The following FAM227B variants were observed in gnomAD, a reference collection of about 807,000 sequenced individuals.
FAM227B encodes family with sequence similarity 227 member B.
A neutral mutation model predicts 73.8 loss-of-function variants in FAM227B; 88 were observed. The observed-to-expected ratio is 1.19, with a 90% confidence interval of 1.00 to 1.42. The LOEUF (loss-of-function observed/expected upper bound fraction) is 1.42, where lower values mean the gene tolerates loss of function less well. FAM227B is among the 40% of genes most tolerant of loss of function. The pLI, the probability that FAM227B is intolerant of heterozygous loss-of-function variation, is 0.00. For synonymous variants in FAM227B, 210 were observed against 190.5 expected (o/e 1.10, Z -0.84); for missense variants, 632 against 590.9 (o/e 1.07, Z -0.72).
chr15:49,407,672 T>C lies in FAM227B; in HGVS notation c.1013-36273A>G, dbSNP rs149912168. ...ATATTATTATTATATTAATTATATA[T>C]AGTACTAATATATATATAATATGTA... On this transcript the variant is annotated intron_variant, in intron 11 of 15. Transcript: ENST00000299338. Among the ~76,000 whole-genome samples, 1,029 of 148,264 alleles carry C rather than the reference T, an allele frequency of 6.9e-3. 18 individuals are homozygous for C. Among genetic ancestry groups the C allele is most frequent in the African/African-American group, 0.024 (983 of 40,870 alleles).
chr15:49,369,955 T>A (rs1378015930), intron 12 of FAM227B, among the ~76,000 whole-genome samples: 2 of 152,186 alleles, frequency 1.3e-5, no homozygotes, highest in African/African-American at 4.8e-5. Flanking sequence ...GATGAGGTTG[T>A]CAATGATGGA....
At chr15:49,485,232 T>C (rs1380731212) in intron 11 of FAM227B, 1 of 152,228 alleles carries the variant, frequency 6.6e-6, no homozygotes, top group African/African-American at 2.4e-5. Context: ...ATGATAATAC[T>C]GTACTTCATC....
At chr15:49,560,659 A>C (rs140441152) in intron 9 of FAM227B, among the ~76,000 whole-genome samples, 81 of 152,332 alleles carry the variant, frequency 5.3e-4, no homozygotes, top group African/African-American at 1.7e-3. Flanking sequence ...AGGGAATCTC[A>C]TCAGGCTTAC....
chr15:49,616,545 A>C (rs933698195), intron 1 of FAM227B, among the ~76,000 whole-genome samples: 4 of 152,276 alleles, frequency 2.6e-5, no homozygotes, highest in African/African-American at 9.6e-5. Context: ...CATGGTGAGA[A>C]GGCAGTGGTC....
intron 11 of FAM227B, among the ~76,000 whole-genome samples, chr15:49,465,415 C>T (rs889137976): frequency 1.3e-4 from 19 of 151,816 alleles, no homozygotes; most frequent in African/African-American, 3.6e-4. Flanking sequence ...GGATTACAGG[C>T]GTGAGCCACC....
rs1490311860 is a variant in FAM227B, at chr15:49,327,221, A to G, written c.*1347T>C. ...AGTTGTTGTCATCCCAATCAGATAT[A>G]TCTCATCTGATGTCAACTTCTGAGT... On this transcript the variant is annotated 3_prime_UTR_variant, in exon 16 of 16. Transcript: ENST00000299338. 2 of 152,222 alleles carry G rather than the reference A, an allele frequency of 1.3e-5. No individual in the cohort carries two copies. The highest frequency in any genetic ancestry group is 3.9e-4 in the East Asian group (2 of 5,194). 9.4% of individuals were successfully genotyped at this position (152,222 alleles called of 1,614,324 possible). A position where few individuals can be genotyped will look rare whatever the true frequency, so the allele number is the denominator to read the frequency against.
intron 10 of FAM227B, among the ~76,000 whole-genome samples, chr15:49,532,552 G>A (rs1230112802): frequency 3.3e-5 from 5 of 150,972 alleles, no homozygotes; most frequent in African/African-American, 1.2e-4. Context: ...AGACAAAATA[G>A]TCTAGAGAAA....
intron 11 of FAM227B, among the ~76,000 whole-genome samples, chr15:49,406,229 CCAGCAGCAG>C (rs200026980): frequency 4.6e-5 from 7 of 151,984 alleles, no homozygotes; most frequent in Non-Finnish European, 8.8e-5. Flanking sequence ...TTCACACATG[CCAGCAGCAG>C]CAGCAGCAGC....
chr15:49,419,937 C>T (rs1202337084), intron 11 of FAM227B, among the ~76,000 whole-genome samples: 1 of 152,054 alleles, frequency 6.6e-6, no homozygotes, highest in South Asian at 2.1e-4. Flanking sequence ...TAGCACTTGT[C>T]CATGATGGTT....
chr15:49,346,352 T>C (rs982037228), intron 13 of FAM227B, among the ~76,000 whole-genome samples: 2 of 152,190 alleles, frequency 1.3e-5, no homozygotes, highest in African/African-American at 4.8e-5. Context: ...CTATGAAGCC[T>C]GACTATGCTT....
At chr15:49,619,930 G>T (rs753371774) in intron 1 of FAM227B, among the ~76,000 whole-genome samples, 11 of 152,020 alleles carry the variant, frequency 7.2e-5, no homozygotes, top group Non-Finnish European at 1.6e-4. Flanking sequence ...ACAATTAAAA[G>T]CTCCATAAAG....
chr15:49,587,438 G>C (rs903162357), intron 5 of FAM227B, among the ~76,000 whole-genome samples: 1 of 152,042 alleles, frequency 6.6e-6, no homozygotes, highest in African/African-American at 2.4e-5. Flanking sequence ...CATGTCACAA[G>C]TTTATTTATA....
chr15:49,446,331 C>T (rs557347213), intron 11 of FAM227B, among the ~76,000 whole-genome samples: 31 of 151,582 alleles, frequency 2.0e-4, no homozygotes, highest in African/African-American at 7.0e-4. Flanking sequence ...AGAGCACCTT[C>T]GATGTACAGG....
At chr15:49,384,552 T>C (rs965231236) in intron 11 of FAM227B, among the ~76,000 whole-genome samples, 1 of 151,990 alleles carries the variant, frequency 6.6e-6, no homozygotes, top group African/African-American at 2.4e-5. Flanking sequence ...CTCTTAGTTG[T>C]TGATCACTTG....
chr15:49,422,777 T>TACG, intron 11 of FAM227B: 1 of 1,315,832 alleles, frequency 7.6e-7, no homozygotes, highest in Non-Finnish European at 1.1e-6. Flanking sequence ...CTCTGTATGA[T>TACG]GTGATAATAT....
intron 11 of FAM227B, among the ~76,000 whole-genome samples, chr15:49,395,532 C>T (rs1176649564): frequency 6.6e-6 from 1 of 152,108 alleles, no homozygotes; most frequent in East Asian, 1.9e-4. Flanking sequence ...TTAGCATAGG[C>T]AGAAGTACAT....
At chr15:49,510,574 C>T (rs1231407884) in intron 10 of FAM227B, among the ~76,000 whole-genome samples, 2 of 152,072 alleles carry the variant, frequency 1.3e-5, no homozygotes, top group Non-Finnish European at 2.9e-5. Context: ...TGCCAATGTG[C>T]TCGAATCTGA....
intron 11 of FAM227B, among the ~76,000 whole-genome samples, chr15:49,454,088 T>A (rs1196024371): frequency 6.6e-6 from 1 of 152,154 alleles, no homozygotes; most frequent in Non-Finnish European, 1.5e-5. Context: ...AGGCGTAGGT[T>A]TGAAACTCTG....
chr15:49,481,601 C>G (rs2055951893), intron 11 of FAM227B, among the ~76,000 whole-genome samples: 1 of 152,090 alleles, frequency 6.6e-6, no homozygotes, highest in Non-Finnish European at 1.5e-5. Context: ...GGCCTGTGTT[C>G]TTCAAAATTC....
Sources: gnomAD v4.1 joint callset for allele counts (sites outside exome capture counted in the v4.1 genomes callset) on GRCh38, gnomAD v4.1.1 for gene constraint, MANE v1.5 for transcripts, NCBI Gene and HGNC (gene_info 2026-07-23, HGNC 2026-07-21) for gene names.